The following DCC variants were observed in gnomAD, a reference collection of about 807,000 sequenced individuals.
DCC encodes the protein DCC netrin 1 receptor.
DCC carries 58 observed loss-of-function variants against 172.5 expected under a neutral mutation model. The ratio of observed to expected loss-of-function variants is 0.34; its 90% CI spans 0.27 to 0.42. The LOEUF (loss-of-function observed/expected upper bound fraction) is 0.42, where lower values mean the gene tolerates loss of function less well. Ranked by LOEUF, DCC falls within the 10% of genes least tolerant of loss-of-function variation. The pLI is 1.00. For synonymous variants in DCC, 709 were observed against 644.5 expected, an observed-to-expected ratio of 1.10 and a Z score of -1.52; for missense variants, 1,740 against 1,791.0, an observed-to-expected ratio of 0.97 and a Z score of 0.51.
intron 15 of DCC, among the ~76,000 whole-genome samples, chr18:53,380,446 C>T (rs1051053725): frequency 2.6e-5 from 4 of 152,086 alleles, no homozygotes; most frequent in African/African-American, 9.7e-5. Context: ...AATAAATGTA[C>T]AATATTTTCT....
Position 53,044,991 on chromosome 18 carries a change from T to C in DCC, c.986-18314T>C, listed in dbSNP as rs2042217503. On this transcript the variant is annotated intron_variant, in intron 5 of 28. Transcript: ENST00000442544. ...TGCTTATGTTTGACATATGAACAGA[T>C]ATAAAATGTATATACAGAAACAAAC... Among the ~76,000 whole-genome samples, 9 of 151,856 alleles carry C rather than the reference T, an allele frequency of 5.9e-5. No individual in the cohort carries two copies. The South Asian group carries it at 1.7e-3, about 28-fold the overall frequency.
chr18:52,879,996 A>G (rs1451066015), intron 2 of DCC, among the ~76,000 whole-genome samples: 2 of 152,144 alleles, frequency 1.3e-5, no homozygotes, highest in African/African-American at 2.4e-5. Flanking sequence ...TGGGATATTC[A>G]TCCCATCAAA....
At chr18:52,436,911 C>A (rs1000251335) in intron 1 of DCC, among the ~76,000 whole-genome samples, 1 of 152,140 alleles carries the variant, frequency 6.6e-6, no homozygotes, top group Non-Finnish European at 1.5e-5. Flanking sequence ...CAGAGCAAGA[C>A]TCTGCCTCAA....
chr18:53,132,884 C>T (rs2043679837), intron 7 of DCC, among the ~76,000 whole-genome samples: 1 of 152,168 alleles, frequency 6.6e-6, no homozygotes, highest in Non-Finnish European at 1.5e-5. Context: ...ACTTCATTTC[C>T]TTTAATGGAT....
chr18:52,340,337 A>G lies in DCC; in HGVS notation c.-451A>G, dbSNP rs1983566883. The G allele has an allele frequency of 1.0e-5, 2 of 200,228 alleles. No homozygotes were observed. The highest frequency in any genetic ancestry group is 2.1e-5 in the Non-Finnish European group (2 of 95,852). 12.4% of individuals were successfully genotyped at this position (200,228 alleles called of 1,614,324 possible). On this transcript the variant is annotated 5_prime_UTR_variant, in exon 1 of 29. Coordinates refer to ENST00000442544, the MANE Select transcript of DCC (RefSeq NM_005215.4). ...GCTCTCGCGCGGAATTGTCTCTTCA[A>G]CTTTACCCAACCGACGACAAGGAAC...
chr18:53,308,739 C>T (rs1299891777), intron 13 of DCC, among the ~76,000 whole-genome samples: 1 of 152,198 alleles, frequency 6.6e-6, no homozygotes. Context: ...TGAAAAAACG[C>T]AGTACGGCAA....
At chr18:52,524,974 A>G (rs1366081271) in intron 1 of DCC, among the ~76,000 whole-genome samples, 1 of 152,126 alleles carries the variant, frequency 6.6e-6, no homozygotes, top group Non-Finnish European at 1.5e-5. Context: ...TCCATTGTTA[A>G]TAGTGTCAAG....
At chr18:52,570,978 C>T (rs1334113111) in intron 1 of DCC, among the ~76,000 whole-genome samples, 2 of 152,122 alleles carry the variant, frequency 1.3e-5, no homozygotes, top group African/African-American at 4.8e-5. Context: ...ATAATTTGAT[C>T]TATAGGATAA....
chr18:53,266,620 A>G (rs1211141955), intron 12 of DCC, among the ~76,000 whole-genome samples: 1 of 152,070 alleles, frequency 6.6e-6, no homozygotes, highest in African/African-American at 2.4e-5. Flanking sequence ...GTATACTCAT[A>G]GAATTGTGCA....
At chr18:52,910,403 G>C (rs143450010) in intron 3 of DCC, among the ~76,000 whole-genome samples, 1 of 152,084 alleles carries the variant, frequency 6.6e-6, no homozygotes, top group Admixed American at 6.6e-5. Context: ...TTAGTACCTA[G>C]TTTCATTTGT....
At chr18:53,386,181 T>G in intron 16 of DCC, 43 bp downstream of exon 16, 1 of 1,307,462 alleles carries the variant, frequency 7.6e-7, no homozygotes, top group East Asian at 2.3e-5. Context: ...GTATATTTGA[T>G]TTATGGTGAA....
rs576947650 is a variant in DCC at position 53,044,314 on chromosome 18, G to A, written c.986-18991G>A. 5.3e-4 allele frequency among the ~76,000 whole-genome samples: 81 copies of A among 151,956 alleles called. 1 individual carries two copies. In the South Asian group the frequency reaches 0.016, roughly 30 times the overall value. On this transcript the variant is annotated intron_variant, in intron 5 of 28. Transcript: ENST00000442544. ...TATTTCCTTGTTCAGGAATCATGAA[G>A]TGACTGCACAGGCCATTGAAATGCT...
chr18:52,444,212 C>A (rs1988054997), intron 1 of DCC, among the ~76,000 whole-genome samples: 1 of 152,158 alleles, frequency 6.6e-6, no homozygotes, highest in Non-Finnish European at 1.5e-5. Context: ...TCCTGGCCTG[C>A]AGAATTCACC....
At chr18:52,424,590 G>T (rs552452498) in intron 1 of DCC, among the ~76,000 whole-genome samples, 1 of 152,172 alleles carries the variant, frequency 6.6e-6, no homozygotes, top group Non-Finnish European at 1.5e-5. Context: ...CGATGTTAGT[G>T]GTAGAGCTAA....
intron 5 of DCC, among the ~76,000 whole-genome samples, chr18:53,032,863 G>A (rs912334694): frequency 6.6e-6 from 1 of 152,118 alleles, no homozygotes; most frequent in Non-Finnish European, 1.5e-5. Context: ...AACACTTGAG[G>A]TGGAAATGGT....
At chr18:52,758,590 AG>A (rs1045994338) in intron 2 of DCC, among the ~76,000 whole-genome samples, 29 of 152,116 alleles carry the variant, frequency 1.9e-4, no homozygotes, top group Non-Finnish European at 3.5e-4. Context: ...AATTAGTGAA[AG>A]CATATTATGG....
intron 12 of DCC, among the ~76,000 whole-genome samples, chr18:53,304,200 G>A (rs2057173306): frequency 6.6e-6 from 1 of 152,118 alleles, no homozygotes. Flanking sequence ...CAACATTTGG[G>A]TGTGAAAACA....
chr18:53,121,716 G>A (rs1161812737), intron 7 of DCC, among the ~76,000 whole-genome samples: 1 of 151,714 alleles, frequency 6.6e-6, no homozygotes, highest in African/African-American at 2.4e-5. Flanking sequence ...TGACACTGTG[G>A]TTAATAATTT....
intron 1 of DCC, among the ~76,000 whole-genome samples, chr18:52,694,545 T>A (rs2035981047): frequency 6.6e-6 from 1 of 152,124 alleles, no homozygotes; most frequent in African/African-American, 2.4e-5. Flanking sequence ...CCAGTGTTAT[T>A]CTTTCTAATT....
Sources: allele counts gnomAD v4.1 joint callset (sites outside exome capture counted in the v4.1 genomes callset), GRCh38; gene constraint gnomAD v4.1.1; transcripts MANE v1.5; gene names NCBI Gene and HGNC (gene_info 2026-07-23, HGNC 2026-07-21).